NEK1: variants seen among roughly 807,000 people sequenced by gnomAD.
The protein encoded by NEK1 is NIMA related kinase 1.
A neutral mutation model predicts 182.1 loss-of-function variants in NEK1; 137 were observed. The ratio of observed to expected loss-of-function variants is 0.75; its 90% CI spans 0.65 to 0.87. The LOEUF is 0.87. NEK1 is among the 40% of genes least tolerant of loss of function. The pLI, the probability that NEK1 is intolerant of heterozygous loss-of-function variation, is 0.00. For missense variants in NEK1, 1,391 were observed against 1,494.4 expected, an observed-to-expected ratio of 0.93 and a Z score of 1.14; for synonymous variants, 513 against 492.2, an observed-to-expected ratio of 1.04 and a Z score of -0.56.
chr4:169,594,964 T>C (rs1769187591), intron 5 of NEK1, among the ~76,000 whole-genome samples: 1 of 152,228 alleles, frequency 6.6e-6, no homozygotes, highest in Non-Finnish European at 1.5e-5. Context: ...TATTGGTTAC[T>C]ATAATAAACT....
intron 26 of NEK1, among the ~76,000 whole-genome samples, chr4:169,476,790 C>T (rs1747030201): frequency 6.6e-6 from 1 of 152,052 alleles, no homozygotes; most frequent in African/African-American, 2.4e-5. Context: ...CCCTGGTTCT[C>T]ATCAAGAATT....
intron 23 of NEK1, chr4:169,506,770 C>T (rs1753327203): frequency 6.0e-6 from 1 of 166,006 alleles, no homozygotes; most frequent in Non-Finnish European, 1.3e-5. Context: ...TACTCCATCT[C>T]AAAAAATAAT....
In NEK1 at chr4:169,601,998, T is replaced by C. The variant is rs780659067; in HGVS notation, c.214+10A>G. The C allele has an allele frequency of 6.3e-7, 1 of 1,586,616 alleles. No homozygotes were observed. Among genetic ancestry groups the C allele is most frequent in the South Asian group, 1.1e-5 (1 of 89,238 alleles). On this transcript the variant is annotated intron_variant, in intron 4 of 35. Coordinates refer to ENST00000507142, the MANE Select transcript of NEK1 (RefSeq NM_001199397.3). ...AGGATTTTTTAACTCTCTCGCATAATTTATCTGACCTTCAAATGATTCTCT... is the reference window on the plus strand; with the variant it reads ...AGGATTTTTTAACTCTCTCGCATAACTTATCTGACCTTCAAATGATTCTCT...
chr4:169,505,839 A>C (rs1753164141), intron 23 of NEK1, among the ~76,000 whole-genome samples: 1 of 152,230 alleles, frequency 6.6e-6, no homozygotes, highest in Non-Finnish European at 1.5e-5. Flanking sequence ...AATATTAGCA[A>C]TATTCTGTTA....
At chr4:169,570,576 G>C (rs1229005216) in intron 12 of NEK1, among the ~76,000 whole-genome samples, 1 of 150,468 alleles carries the variant, frequency 6.6e-6, no homozygotes, top group Non-Finnish European at 1.5e-5. Flanking sequence ...CCCCCGCCCG[G>C]CCAGCCGCCC....
intron 18 of NEK1, among the ~76,000 whole-genome samples, chr4:169,546,990 T>C (rs557167684): frequency 6.6e-6 from 1 of 152,358 alleles, no homozygotes; most frequent in South Asian, 2.1e-4. Flanking sequence ...GCTAATATTG[T>C]TATGTGTGAA....
At position 169,569,814 on chromosome 4, in the gene NEK1, A is replaced by G. The variant is rs538184813; in HGVS notation, c.1020+7114T>C. Among the ~76,000 whole-genome samples, 3 of 152,268 alleles carry G rather than the reference A, an allele frequency of 2.0e-5. No homozygotes were observed. In the South Asian group the frequency reaches 6.2e-4, roughly 32 times the overall value. On this transcript the variant is annotated intron_variant, in intron 12 of 35. Transcript: ENST00000507142. ...CAGTGCTCAATGGTGCCCAGGCTGGAGTGCAGTGTCGTGATCTCGGCTCGC... is the reference window on the plus strand; with the variant it reads ...CAGTGCTCAATGGTGCCCAGGCTGGGGTGCAGTGTCGTGATCTCGGCTCGC...
Position 169,400,509 on chromosome 4 carries a change from CT to C in NEK1, c.3714+11del, listed in dbSNP as rs745739494. 16 of 1,593,168 alleles carry C rather than the reference CT, an allele frequency of 1.0e-5. No homozygotes were observed. The East Asian group carries it at 2.0e-4, about 20-fold the overall frequency. ...AGCACATTTTAAGTGTTTTAATTGA[CT>C]TTTCACTTACCTTTATTTTCTCATA... is the stretch of plus-strand genomic sequence containing the variant. On this transcript the variant is annotated intron_variant, in intron 34 of 35. Transcript: ENST00000507142.
chr4:169,601,159 T>A (rs1297284868), intron 4 of NEK1, among the ~76,000 whole-genome samples: 1 of 152,152 alleles, frequency 6.6e-6, no homozygotes, highest in East Asian at 1.9e-4. Flanking sequence ...TTGAATCACA[T>A]TTTTATAAAA....
chr4:169,611,321 T>C (rs1430551614), intron 2 of NEK1, among the ~76,000 whole-genome samples: 1 of 152,122 alleles, frequency 6.6e-6, no homozygotes, highest in Admixed American at 6.5e-5. Flanking sequence ...CCTAGAACAA[T>C]GGATATTTTA....
At chr4:169,427,603 TTA>T (rs892314699) in intron 29 of NEK1, among the ~76,000 whole-genome samples, 1 of 151,964 alleles carries the variant, frequency 6.6e-6, no homozygotes, top group African/African-American at 2.4e-5. Context: ...CAAGCAATTC[TTA>T]TGACTTAGCC....
chr4:169,592,637 A>G (rs1768716372), intron 5 of NEK1, among the ~76,000 whole-genome samples: 1 of 152,224 alleles, frequency 6.6e-6, no homozygotes. Flanking sequence ...GAGGGAATGA[A>G]AGGTAACATG....
chr4:169,611,182 C>G (rs563828832), intron 2 of NEK1, among the ~76,000 whole-genome samples: 1 of 152,258 alleles, frequency 6.6e-6, no homozygotes, highest in Admixed American at 6.5e-5. Context: ...AATACAATGT[C>G]AATGTACTAT....
intron 27 of NEK1, among the ~76,000 whole-genome samples, chr4:169,459,561 C>A (rs1743558438): frequency 6.6e-6 from 1 of 152,156 alleles, no homozygotes. Context: ...TAAGTCCACA[C>A]AAAAACCTGC....
intron 19 of NEK1, among the ~76,000 whole-genome samples, chr4:169,510,721 T>C (rs1754035404): frequency 6.6e-6 from 1 of 152,190 alleles, no homozygotes; most frequent in Non-Finnish European, 1.5e-5. Flanking sequence ...CCATTTGTGA[T>C]CTCGCCATTT....
At chr4:169,448,297 G>C (rs1421686888) in intron 27 of NEK1, among the ~76,000 whole-genome samples, 1 of 152,106 alleles carries the variant, frequency 6.6e-6, no homozygotes, top group African/African-American at 2.4e-5. Flanking sequence ...AAGTTGAAAA[G>C]TGAGGGACAA....
chr4:169,490,081 C>T (rs1456245512), intron 23 of NEK1, among the ~76,000 whole-genome samples: 1 of 152,170 alleles, frequency 6.6e-6, no homozygotes, highest in Non-Finnish European at 1.5e-5. Flanking sequence ...AGGACCCCCA[C>T]TAAAGCCCTT....
At chr4:169,585,276 C>T in intron 10 of NEK1, 73 bp downstream of exon 10, 1 of 1,082,798 alleles carries the variant, frequency 9.2e-7, no homozygotes, top group Non-Finnish European at 1.4e-6. Context: ...ATGTGTTCTC[C>T]TCAACACTGG....
chr4:169,399,612 T>C (rs1023623378), intron 35 of NEK1, among the ~76,000 whole-genome samples: 4 of 152,082 alleles, frequency 2.6e-5, no homozygotes, highest in African/African-American at 9.7e-5. Context: ...AGTTATAATC[T>C]TCTTTATTTT....
Sources: gnomAD v4.1 joint callset for allele counts (sites outside exome capture counted in the v4.1 genomes callset) on GRCh38, gnomAD v4.1.1 for gene constraint, MANE v1.5 for transcripts, NCBI Gene and HGNC (gene_info 2026-07-23, HGNC 2026-07-21) for gene names.